The following CELSR1 variants were observed in gnomAD, a reference collection of about 807,000 sequenced individuals.
CELSR1 encodes the protein cadherin EGF LAG seven-pass G-type receptor 1, also known as adhesion G protein-coupled receptor C1.
Under a neutral mutation model 249.1 loss-of-function variants are expected in CELSR1, and 110 were observed. The observed-to-expected ratio is 0.44, with a 90% CI of 0.38 to 0.52. The LOEUF (loss-of-function observed/expected upper bound fraction) is 0.52, where lower values mean the gene tolerates loss of function less well. CELSR1 is among the 20% of genes least tolerant of loss of function. The probability of loss-of-function intolerance (pLI) is 0.00; values close to 1 mark genes in which losing one functional copy is unlikely to be tolerated. For synonymous variants in CELSR1, 2,113 were observed against 1,900.0 expected (o/e 1.11, Z -2.92); for missense variants, 4,109 against 4,296.4 (o/e 0.96, Z 1.22).
At chr22:46,504,283 G>A (rs1331131646) in intron 1 of CELSR1, among the ~76,000 whole-genome samples, 1 of 152,028 alleles carries the variant, frequency 6.6e-6, no homozygotes, top group Non-Finnish European at 1.5e-5. Flanking sequence ...GGAGGCCAAG[G>A]CAGGCGGATC....
At chr22:46,520,839 C>A (rs920738292) in intron 1 of CELSR1, among the ~76,000 whole-genome samples, 1 of 152,164 alleles carries the variant, frequency 6.6e-6, no homozygotes, top group East Asian at 1.9e-4. Context: ...ATCTCCAGAG[C>A]CTTTCATCTT....
rs980066354 is a variant in CELSR1, at chr22:46,537,456, C to CGGCGGCTCCA, written c.-296_-287dup. ...GCCGCGCATCAACCTGCGGCGGCGGCGGCGGCTCCAGGCGGCTCCAGGTGG... is the reference window on the plus strand; with the variant it reads ...GCCGCGCATCAACCTGCGGCGGCGGCGGCGGCTCCAGGCGGCTCCAGGCGGCTCCAGGTGG... On this transcript the variant is annotated 5_prime_UTR_variant, in exon 1 of 35. Coordinates refer to ENST00000674500, the MANE Select transcript of CELSR1 (RefSeq NM_001378328.1). This position sits in a 1 kb window ranked among gnomAD's most constrained non-coding sequence, Gnocchi z 5.8. Among the ~76,000 whole-genome samples, 3 of 149,440 alleles carry CGGCGGCTCCA rather than the reference C, an allele frequency of 2.0e-5. No individual in the cohort carries two copies. Among genetic ancestry groups the CGGCGGCTCCA allele is most frequent in the Non-Finnish European group, 1.5e-5 (1 of 67,206 alleles).
chr22:46,362,744 T>G lies in CELSR1; in HGVS notation c.*479A>C. 5.4e-6 allele frequency: 1 copy of G among 186,912 alleles called. No individual in the cohort carries two copies. Among genetic ancestry groups the G allele is most frequent in the Admixed American group, 5.5e-5 (1 of 18,108 alleles). 11.6% of individuals were successfully genotyped at this position (186,912 alleles called of 1,614,324 possible). On this transcript the variant is annotated 3_prime_UTR_variant, in exon 35 of 35. Transcript: ENST00000674500. ...CCTTTCCCACATAGCGAAGTGATTT[T>G]AAGACAAGGGGTGCCTTTGCAAAGG...
intron 18 of CELSR1, among the ~76,000 whole-genome samples, chr22:46,387,859 T>C (rs115024052): frequency 0.019 from 2,905 of 152,252 alleles, 93 homozygotes; most frequent in African/African-American, 0.066. Flanking sequence ...GAACTCCTCC[T>C]GAACTCCACC....
At chr22:46,414,558 C>T (rs8142653) in intron 5 of CELSR1, among the ~76,000 whole-genome samples, 2,250 of 151,164 alleles carry the variant, frequency 0.015, 52 homozygotes, top group Middle Eastern at 0.049. Flanking sequence ...CGCCTCTCGG[C>T]GAGTGTGGGT....
intron 2 of CELSR1, among the ~76,000 whole-genome samples, chr22:46,457,939 C>T (rs768887432): frequency 3.9e-5 from 6 of 152,224 alleles, no homozygotes; most frequent in Admixed American, 6.5e-5. Flanking sequence ...CTCTGGCCTA[C>T]GTGGAGGGGC....
intron 2 of CELSR1, among the ~76,000 whole-genome samples, chr22:46,439,932 C>T (rs963135822): frequency 1.3e-5 from 2 of 149,700 alleles, no homozygotes; most frequent in African/African-American, 5.1e-5. Context: ...GTCCGCCCTC[C>T]CACCCCTCAC....
Position 46,429,317 on chromosome 22 carries a change from C to T in CELSR1, c.4611+4076G>A, listed in dbSNP as rs2079568737. ...CCACCCTTTTGAAGTTGTGGACACACCTTCAAACCAGCCTTGAGGGAAAAA... is the reference window on the plus strand; with the variant it reads ...CCACCCTTTTGAAGTTGTGGACACATCTTCAAACCAGCCTTGAGGGAAAAA... On this transcript the variant is annotated intron_variant, in intron 5 of 34. Coordinates refer to ENST00000674500, the MANE Select transcript of CELSR1 (RefSeq NM_001378328.1). The surrounding 1 kb of genome is among the most constrained non-coding windows in gnomAD (Gnocchi z 4.1). Among the ~76,000 whole-genome samples the T allele has an allele frequency of 6.6e-6, 1 of 152,178 alleles. No individual in the cohort carries two copies. The highest frequency in any genetic ancestry group is 1.5e-5 in the Non-Finnish European group (1 of 68,038).
rs543573633 is a variant in CELSR1 at position 46,410,929 on chromosome 22, G to C, written c.4770-368C>G. Among the ~76,000 whole-genome samples, 3 of 152,220 alleles carry C rather than the reference G, an allele frequency of 2.0e-5. No homozygotes were observed. The highest frequency in any genetic ancestry group is 7.2e-5 in the African/African-American group (3 of 41,546). On this transcript the variant is annotated intron_variant, in intron 6 of 34. Coordinates refer to ENST00000674500, the MANE Select transcript of CELSR1 (RefSeq NM_001378328.1). This position sits in a 1 kb window ranked among gnomAD's most constrained non-coding sequence, Gnocchi z 6.8. ...ACCTTCTAGGAAAAGGAAGGGCCTT[G>C]AAAGGAGGCCAGAAGAAAATGAGAA...
rs972446097 is a variant in CELSR1, at chr22:46,369,214, T to C, written c.7917A>G (p.Gln2639=). 3.7e-6 allele frequency: 6 copies of C among 1,614,152 alleles called. No individual in the cohort carries two copies. Among genetic ancestry groups the C allele is most frequent in the Non-Finnish European group, 5.1e-6 (6 of 1,179,998 alleles). The change falls in exon 27 of 35, where the codon CAA becomes CAG. Residue 2639 remains glutamine (Q), a synonymous_variant. Transcript: ENST00000674500. ...TSVLSAKVSC[Q]RKHHYYGKKG... ...TTTTCCCATAATAATGGTGCTTTCT[T>C]TGGCAGGAAACCTTTGCAGATAGGA...
At chr22:46,419,598 G>A (rs753282823) in intron 5 of CELSR1, among the ~76,000 whole-genome samples, 5 of 152,176 alleles carry the variant, frequency 3.3e-5, no homozygotes, top group African/African-American at 4.8e-5. Context: ...TGAGTGTCCC[G>A]GGAAAAACAG....
intron 1 of CELSR1, among the ~76,000 whole-genome samples, chr22:46,475,667 G>GGA (rs1555926101): frequency 4.8e-5 from 7 of 146,390 alleles, no homozygotes; most frequent in Non-Finnish European, 9.1e-5. Context: ...AATGGGGGGG[G>GGA]AAGAAACAAG....
rs1602079197 is a variant in CELSR1 at position 46,398,598 on chromosome 22, C to T, written c.5452G>A (p.Val1818Ile). The change falls in exon 11 of 35, where the codon GTA becomes ATA. Residue 1818 changes from valine to isoleucine, a missense_variant. Val to Ile is a conservative substitution (Grantham distance 29). Around this residue, in one of 7 missense-constraint regions of CELSR1, gnomAD observed 1,805 missense variants for 1,831.6 expected, o/e 0.99. Coordinates refer to ENST00000674500, the MANE Select transcript of CELSR1 (RefSeq NM_001378328.1). The surrounding 1 kb of genome is among the most constrained non-coding windows in gnomAD (Gnocchi z 7.2). ...DIGGMLPGLT[V>I]RSVVVGGASE... Reference sequence around the variant, plus strand: ...GCGCCTCCGACCACCACGCTCCTTACCGTCAGCCCGGGAAGCATGCCCCCG... The same window carrying T: ...GCGCCTCCGACCACCACGCTCCTTATCGTCAGCCCGGGAAGCATGCCCCCG... 6.2e-7 allele frequency: 1 copy of T among 1,613,940 alleles called. No homozygotes were observed. The highest frequency in any genetic ancestry group is 8.5e-7 in the Non-Finnish European group (1 of 1,179,946).
In CELSR1 at chr22:46,369,059, C is replaced by A. The variant is rs1242443741; in HGVS notation, c.7952+120G>T. On this transcript the variant is annotated intron_variant, in intron 27 of 34. Coordinates refer to ENST00000674500, the MANE Select transcript of CELSR1 (RefSeq NM_001378328.1). ...GGAGCCCTGGGGCTCACCCAGGCTG[C>A]CCCCAGCCCTCCTCCATGAGGCCTA... The A allele has an allele frequency of 3.4e-6, 3 of 871,184 alleles. No homozygotes were observed. In the East Asian group the frequency reaches 7.4e-5, roughly 22 times the overall value. The allele number at this position is 871,184 out of a possible 1,614,324, so 54.0% of individuals were successfully genotyped here.
Position 46,456,196 on chromosome 22 carries a change from C to T in CELSR1, c.4183+7511G>A, listed in dbSNP as rs1042685809. 1.3e-4 allele frequency among the ~76,000 whole-genome samples: 20 copies of T among 152,362 alleles called. No individual in the cohort carries two copies. The East Asian group carries it at 2.3e-3, about 18-fold the overall frequency. ...GAAGCTTTAATCCTGGAAGCCACAG[C>T]GAGCACTGGCCCACGTGCAACCCTG... On this transcript the variant is annotated intron_variant, in intron 2 of 34. Transcript: ENST00000674500.
chr22:46,408,268 C>T lies in CELSR1; in HGVS notation c.5226+728G>A, dbSNP rs2079289184. 2.0e-5 allele frequency among the ~76,000 whole-genome samples: 3 copies of T among 152,208 alleles called. No homozygotes were observed. Among genetic ancestry groups the T allele is most frequent in the South Asian group, 2.1e-4 (1 of 4,832 alleles). On this transcript the variant is annotated intron_variant, in intron 9 of 34. Coordinates refer to ENST00000674500, the MANE Select transcript of CELSR1 (RefSeq NM_001378328.1). The surrounding 1 kb of genome is among the most constrained non-coding windows in gnomAD (Gnocchi z 4.6). ...GACAGCGACAGAGCGGGGCTTTAGGCATTTCTGGGCTGAGGCATCTCAAGC... is the reference window on the plus strand; with the variant it reads ...GACAGCGACAGAGCGGGGCTTTAGGTATTTCTGGGCTGAGGCATCTCAAGC...
Position 46,396,440 on chromosome 22 carries a change from A to T in CELSR1, c.5843+165T>A, listed in dbSNP as rs945693844. On this transcript the variant is annotated intron_variant, in intron 13 of 34. Coordinates refer to ENST00000674500, the MANE Select transcript of CELSR1 (RefSeq NM_001378328.1). The surrounding 1 kb of genome is among the most constrained non-coding windows in gnomAD (Gnocchi z 6.4). Reference sequence around the variant, plus strand: ...TAAAAATAAAATAAAAATTAAAAAAAATTTGATTTTCACTTAATTCATGCC... The same window carrying T: ...TAAAAATAAAATAAAAATTAAAAAATATTTGATTTTCACTTAATTCATGCC... Among the ~76,000 whole-genome samples the T allele has an allele frequency of 6.6e-6, 1 of 152,030 alleles. No homozygotes were observed. The highest frequency in any genetic ancestry group is 1.9e-4 in the East Asian group (1 of 5,186).
chr22:46,514,874 C>T (rs1025446021), intron 1 of CELSR1, among the ~76,000 whole-genome samples: 1 of 152,158 alleles, frequency 6.6e-6, no homozygotes, highest in African/African-American at 2.4e-5. Context: ...CCGTACCCGC[C>T]GTCAATCCAG....
intron 19 of CELSR1, among the ~76,000 whole-genome samples, 175 bp downstream of exon 19, chr22:46,386,227 C>T (rs2079032074): frequency 1.3e-5 from 2 of 152,252 alleles, no homozygotes. Flanking sequence ...GTCCCGATCT[C>T]CCAAAGTGCT....
Sources: allele counts gnomAD v4.1 joint callset (sites outside exome capture counted in the v4.1 genomes callset), GRCh38; gene constraint gnomAD v4.1.1; regional missense constraint gnomAD v4.1.1; non-coding constraint Gnocchi (gnomAD v3.1); transcripts MANE v1.5; gene names NCBI Gene and HGNC (gene_info 2026-07-23, HGNC 2026-07-21).